The following SCUBE1 variants were observed in gnomAD, a reference collection of about 807,000 sequenced individuals.
SCUBE1 encodes signal peptide, CUB domain and EGF like domain containing 1.
SCUBE1 carries 59 observed loss-of-function variants against 124.4 expected under a neutral mutation model. The observed-to-expected ratio is 0.47, with a 90% CI of 0.38 to 0.59. The LOEUF is 0.59. Among genes scored for constraint, SCUBE1 ranks in the 20% least tolerant of loss-of-function variants. SCUBE1 has a pLI of 0.00. For missense variants in SCUBE1, 1,150 were observed against 1,371.2 expected, an observed-to-expected ratio of 0.84 and a Z score of 2.55; for synonymous variants, 545 against 550.9, an observed-to-expected ratio of 0.99 and a Z score of 0.15.
At position 43,214,266 on chromosome 22, in the gene SCUBE1, C is replaced by G. The variant is rs769543458; in HGVS notation, c.1892-15G>C. On this transcript the variant is annotated splice_polypyrimidine_tract_variant and intron_variant, in intron 15 of 21. Transcript: ENST00000360835. The stretch of plus-strand genomic sequence containing the variant: ...CCCACAGGCAACTGCAGAGGCAAAG[C>G]GGAGAGGCTGCTGGAGGCAGAGGTG... 1 of 1,606,854 alleles carries G rather than the reference C, an allele frequency of 6.2e-7. No homozygotes were observed. The highest frequency in any genetic ancestry group is 1.3e-5 in the African/African-American group (1 of 74,856).
intron 4 of SCUBE1, among the ~76,000 whole-genome samples, chr22:43,268,513 C>T (rs561255759): frequency 6.6e-6 from 1 of 152,354 alleles, no homozygotes; most frequent in East Asian, 1.9e-4. Flanking sequence ...AAACTCAGAC[C>T]AAGTGTCTCC....
At chr22:43,226,384 TCA>T (rs1922304621) in intron 10 of SCUBE1, among the ~76,000 whole-genome samples, 1 of 151,816 alleles carries the variant, frequency 6.6e-6, no homozygotes, top group South Asian at 2.1e-4. Context: ...CAGGCCTCAC[TCA>T]CAGACCCTCA....
At chr22:43,231,618 G>T in intron 8 of SCUBE1, 135 bp downstream of exon 8, 1 of 1,092,114 alleles carries the variant, frequency 9.2e-7, no homozygotes, top group Non-Finnish European at 1.3e-6. Context: ...CCCTAGAGTC[G>T]TAAAGGACCC....
chr22:43,248,346 T>C (rs926025496), intron 6 of SCUBE1, among the ~76,000 whole-genome samples: 6 of 152,146 alleles, frequency 3.9e-5, no homozygotes, highest in African/African-American at 1.4e-4. Flanking sequence ...GGCTTCAGCC[T>C]CCCATCTGGG....
chr22:43,267,503 G>C (rs374630671), intron 4 of SCUBE1, among the ~76,000 whole-genome samples: 7 of 152,190 alleles, frequency 4.6e-5, no homozygotes, highest in African/African-American at 1.4e-4. Flanking sequence ...TGGGAAATTC[G>C]CAGCACATGA....
chr22:43,252,875 A>C (rs1177873772), intron 6 of SCUBE1, among the ~76,000 whole-genome samples: 6 of 147,104 alleles, frequency 4.1e-5, no homozygotes, highest in Middle Eastern at 4.1e-3. Context: ...GCAGGATGGG[A>C]ACGGTCACCT....
At chr22:43,324,693 C>G (rs1448009361) in intron 2 of SCUBE1, among the ~76,000 whole-genome samples, 1 of 151,816 alleles carries the variant, frequency 6.6e-6, no homozygotes, top group African/African-American at 2.4e-5. Flanking sequence ...CCACAGACCT[C>G]CAAGACACTC....
chr22:43,224,058 A>C (rs1359063338), intron 10 of SCUBE1, among the ~76,000 whole-genome samples: 1 of 152,178 alleles, frequency 6.6e-6, no homozygotes, highest in Non-Finnish European at 1.5e-5. Flanking sequence ...CCCCTTACTT[A>C]AGCGACAGCT....
At chr22:43,313,458 G>A (rs1569026490) in intron 3 of SCUBE1, among the ~76,000 whole-genome samples, 2 of 152,346 alleles carry the variant, frequency 1.3e-5, no homozygotes, top group East Asian at 3.9e-4. Flanking sequence ...GTGGAGACGG[G>A]AAGAAATTAT....
At chr22:43,327,534 C>T (rs1241653554) in intron 2 of SCUBE1, among the ~76,000 whole-genome samples, 1 of 152,156 alleles carries the variant, frequency 6.6e-6, no homozygotes, top group African/African-American at 2.4e-5. Context: ...CGCCTGTAAT[C>T]CCAGCACTTT....
chr22:43,311,232 T>C (rs1190708343), intron 3 of SCUBE1, among the ~76,000 whole-genome samples: 1 of 152,202 alleles, frequency 6.6e-6, no homozygotes, highest in Admixed American at 6.5e-5. Context: ...CTGAGTTACA[T>C]GTTCACATGT....
chr22:43,217,642 G>A (rs1921893956), intron 15 of SCUBE1, among the ~76,000 whole-genome samples: 1 of 152,162 alleles, frequency 6.6e-6, no homozygotes, highest in South Asian at 2.1e-4. Context: ...CACTGTACCT[G>A]TGGGCATGTT....
intron 4 of SCUBE1, among the ~76,000 whole-genome samples, chr22:43,274,261 T>C (rs1924409142): frequency 6.6e-6 from 1 of 152,210 alleles, no homozygotes; most frequent in Non-Finnish European, 1.5e-5. Flanking sequence ...GGACGCCTCA[T>C]TCAATCTGAA....
rs1926485312 is a variant in SCUBE1 at position 43,319,921 on chromosome 22, C to T, written c.349+16G>A. 6.2e-7 allele frequency: 1 copy of T among 1,613,710 alleles called. No homozygotes were observed. Among genetic ancestry groups the T allele is most frequent in the East Asian group, 2.2e-5 (1 of 44,868 alleles). On this transcript the variant is annotated intron_variant, in intron 3 of 21. Coordinates refer to ENST00000360835, the MANE Select transcript of SCUBE1 (RefSeq NM_173050.5). Reference sequence around the variant, plus strand: ...CAGGGTGTGCCCAGAGGGTAGGCTACAGCTGTATCACTCACCCAGGCAGTT... The same window carrying T: ...CAGGGTGTGCCCAGAGGGTAGGCTATAGCTGTATCACTCACCCAGGCAGTT...
chr22:43,301,753 C>G (rs887997134), intron 3 of SCUBE1, among the ~76,000 whole-genome samples: 3 of 152,210 alleles, frequency 2.0e-5, no homozygotes, highest in African/African-American at 7.2e-5. Context: ...CTGTTTTGAG[C>G]ATCACAGTAT....
intron 4 of SCUBE1, among the ~76,000 whole-genome samples, chr22:43,286,881 G>A (rs1450396305): frequency 6.6e-6 from 1 of 152,214 alleles, no homozygotes; most frequent in African/African-American, 2.4e-5. Context: ...GATCGATTCT[G>A]GTCAGAATTC....
chr22:43,223,924 C>T (rs1922203656), intron 10 of SCUBE1, among the ~76,000 whole-genome samples: 1 of 152,242 alleles, frequency 6.6e-6, no homozygotes, highest in Non-Finnish European at 1.5e-5. Context: ...GTAACCCACA[C>T]AGGCCATGCT....
At chr22:43,278,956 GT>G (rs377743879) in intron 4 of SCUBE1, among the ~76,000 whole-genome samples, 12 of 152,276 alleles carry the variant, frequency 7.9e-5, no homozygotes, top group African/African-American at 2.9e-4. Flanking sequence ...GCTGAGACAG[GT>G]TTGGGGGAAG....
At chr22:43,307,973 C>T (rs1343506223) in intron 3 of SCUBE1, among the ~76,000 whole-genome samples, 1 of 151,996 alleles carries the variant, frequency 6.6e-6, no homozygotes, top group African/African-American at 2.4e-5. Context: ...ACCATCTGGC[C>T]CCCTGTAATA....
Sources: gnomAD v4.1 joint callset for allele counts (sites outside exome capture counted in the v4.1 genomes callset) on GRCh38, gnomAD v4.1.1 for gene constraint, MANE v1.5 for transcripts, NCBI Gene and HGNC (gene_info 2026-07-23, HGNC 2026-07-21) for gene names.